HIVEP2: variants seen among roughly 807,000 people sequenced by gnomAD.
HIVEP2 encodes the protein HIVEP zinc finger 2.
In HIVEP2, 14 loss-of-function variants were observed where a neutral mutation model predicts 180.7. The observed-to-expected ratio is 0.08, with a 90% confidence interval of 0.05 to 0.12. HIVEP2 has a LOEUF of 0.12. HIVEP2 is among the 10% of genes least tolerant of loss of function. The pLI, the probability that HIVEP2 is intolerant of heterozygous loss-of-function variation, is 1.00. For missense variants in HIVEP2, 2,579 were observed against 3,008.5 expected (o/e 0.86, Z 3.34); for synonymous variants, 1,184 against 1,136.4 (o/e 1.04, Z -0.84).
rs550257561 is a variant in HIVEP2, at chr6:142,922,900, T to C, written c.-641+22199A>G. Among the ~76,000 whole-genome samples, 21 of 152,328 alleles carry C rather than the reference T, an allele frequency of 1.4e-4. No homozygotes were observed. In the South Asian group the frequency reaches 3.7e-3, roughly 27 times the overall value. On this transcript the variant is annotated intron_variant, in intron 1 of 9. Coordinates refer to ENST00000367603, the MANE Select transcript of HIVEP2 (RefSeq NM_006734.4). ...TAAATACATAGTATTTATATGAACA[T>C]GTATTCATGTAAACACATAGTACTC... is the stretch of plus-strand genomic sequence containing the variant.
intron 1 of HIVEP2, among the ~76,000 whole-genome samples, chr6:142,939,510 GT>G (rs1396997643): frequency 6.6e-6 from 1 of 152,032 alleles, no homozygotes; most frequent in Non-Finnish European, 1.5e-5. Flanking sequence ...TACTATCCCT[GT>G]CCCCTCCCAT....
intron 1 of HIVEP2, among the ~76,000 whole-genome samples, chr6:142,868,576 AG>A (rs1776204688): frequency 6.6e-6 from 1 of 152,176 alleles, no homozygotes; most frequent in Admixed American, 6.6e-5. Context: ...CCAACTATAA[AG>A]GCAATTAAAC....
intron 1 of HIVEP2, among the ~76,000 whole-genome samples, chr6:142,849,473 G>C (rs1387583804): frequency 6.6e-6 from 1 of 152,010 alleles, no homozygotes; most frequent in Admixed American, 6.6e-5. Context: ...TAGTATTGAA[G>C]ACTATTAGCA....
chr6:142,774,395 G>T lies in HIVEP2; in HGVS notation c.344C>A (p.Pro115Gln). Reference protein sequence around the residue: ...LPQGVMHSTKPHQSLEGPPWL... With the variant: ...LPQGVMHSTKQHQSLEGPPWL... ...CGGAGGACCTTCGAGGCTCTGATGT[G>T]GCTTGGTGCTGTGCATGACCCCCTG... is the stretch of plus-strand genomic sequence containing the variant. The change falls in exon 5 of 10, where the codon CCA becomes CAA. Residue 115 changes from proline to glutamine, a missense_variant. Pro to Gln is a moderately conservative substitution (Grantham distance 76, BLOSUM62 -1). This residue lies in a region of HIVEP2 where 207 missense variants were observed against 210.1 expected (regional missense o/e 0.99). Transcript: ENST00000367603. The surrounding 1 kb of genome is among the most constrained non-coding windows in gnomAD (Gnocchi z 5.1). The T allele has an allele frequency of 6.2e-7, 1 of 1,614,224 alleles. No homozygotes were observed.
Position 142,774,396 on chromosome 6 carries a change from G to C in HIVEP2, c.343C>G (p.Pro115Ala). 1 of 1,614,220 alleles carries C rather than the reference G, an allele frequency of 6.2e-7. No homozygotes were observed. Among genetic ancestry groups the C allele is most frequent in the Non-Finnish European group, 8.5e-7 (1 of 1,180,040 alleles). Residue 115 changes from proline to alanine, a missense_variant, in exon 5 of 10, where the codon CCA (proline) becomes GCA (alanine). By Grantham distance (27) the Pro-to-Ala change is conservative. Transcript: ENST00000367603. The surrounding 1 kb of genome is among the most constrained non-coding windows in gnomAD (Gnocchi z 5.1). ...LPQGVMHSTK[P>A]HQSLEGPPWL... ...GGAGGACCTTCGAGGCTCTGATGTG[G>C]CTTGGTGCTGTGCATGACCCCCTGT...
chr6:142,840,789 A>G (rs1775341854), intron 1 of HIVEP2, among the ~76,000 whole-genome samples: 1 of 152,166 alleles, frequency 6.6e-6, no homozygotes, highest in African/African-American at 2.4e-5. Flanking sequence ...AGGCAAAAAT[A>G]TGTTTATAAT....
At chr6:142,914,114 C>T (rs535320872) in intron 1 of HIVEP2, among the ~76,000 whole-genome samples, 3 of 152,284 alleles carry the variant, frequency 2.0e-5, no homozygotes, top group South Asian at 2.1e-4. Context: ...ACTGCGTATC[C>T]GTAGGTAACC....
At chr6:142,889,040 A>ATTT (rs1227914989) in intron 1 of HIVEP2, among the ~76,000 whole-genome samples, 1 of 152,118 alleles carries the variant, frequency 6.6e-6, no homozygotes, top group Non-Finnish European at 1.5e-5. Flanking sequence ...ATGTGTTCGA[A>ATTT]CTTTCTATTT....
At chr6:142,907,878 C>A (rs147559450) in intron 1 of HIVEP2, among the ~76,000 whole-genome samples, 1 of 152,172 alleles carries the variant, frequency 6.6e-6, no homozygotes, top group Non-Finnish European at 1.5e-5. Flanking sequence ...AATAACTTTT[C>A]GATTTATTTC....
intron 1 of HIVEP2, among the ~76,000 whole-genome samples, chr6:142,885,687 A>G (rs1003151585): frequency 2.6e-5 from 4 of 152,198 alleles, no homozygotes; most frequent in Non-Finnish European, 4.4e-5. Context: ...CCTGAAGTCA[A>G]CGTGCTGCAG....
chr6:142,862,317 G>C lies in HIVEP2; in HGVS notation c.-640-25270C>G, dbSNP rs186232117. Among the ~76,000 whole-genome samples the C allele has an allele frequency of 2.9e-3, 436 of 150,982 alleles. 1 individual carries two copies. Among genetic ancestry groups the C allele is most frequent in the Non-Finnish European group, 5.3e-3 (362 of 67,730 alleles). ...GTTTCATATTGCATTTGCTACATTA[G>C]CAAATCTATTATATATTATGTAATA... On this transcript the variant is annotated intron_variant, in intron 1 of 9. Transcript: ENST00000367603.
At chr6:142,777,334 T>C (rs910732430) in intron 3 of HIVEP2, among the ~76,000 whole-genome samples, 2 of 152,092 alleles carry the variant, frequency 1.3e-5, no homozygotes, top group Admixed American at 1.3e-4. Flanking sequence ...TAACATTAAA[T>C]GCAAGAAAAG....
At chr6:142,814,415 G>A (rs1259129291) in intron 2 of HIVEP2, among the ~76,000 whole-genome samples, 3 of 152,134 alleles carry the variant, frequency 2.0e-5, no homozygotes, top group Admixed American at 6.5e-5. Flanking sequence ...GAGTTGAGTG[G>A]AGACTTCGGG....
At chr6:142,846,427 C>T (rs6905453) in intron 1 of HIVEP2, among the ~76,000 whole-genome samples, 27,000 of 152,178 alleles carry the variant, frequency 0.18, 2,592 homozygotes, top group South Asian at 0.22. Flanking sequence ...GACATTCTCC[C>T]GGTCCCCTTA....
intron 1 of HIVEP2, among the ~76,000 whole-genome samples, chr6:142,841,108 T>C (rs1775350013): frequency 6.6e-6 from 1 of 152,098 alleles, no homozygotes; most frequent in African/African-American, 2.4e-5. Flanking sequence ...TGACCCTTTA[T>C]GTAATATATA....
At position 142,773,400 on chromosome 6, in the gene HIVEP2, G is replaced by T; in HGVS notation, c.1339C>A (p.Arg447Ser). The change falls in exon 5 of 10, where the codon CGT becomes AGT. Residue 447 changes from arginine (R) to serine (S), a missense_variant. Coordinates refer to ENST00000367603, the MANE Select transcript of HIVEP2 (RefSeq NM_006734.4). ...ATGCCCTTCCTACCCATTGCGGCAC[G>T]CTCCTGACTTGTGGTTGTAACACTG... ...ALSVTTTSQE[R>S]AAMGRKGIME... 6.2e-7 allele frequency: 1 copy of T among 1,614,134 alleles called. No homozygotes were observed. Among genetic ancestry groups the T allele is most frequent in the Non-Finnish European group, 8.5e-7 (1 of 1,180,026 alleles).
chr6:142,781,871 C>T (rs1775870335), intron 3 of HIVEP2, among the ~76,000 whole-genome samples: 1 of 152,100 alleles, frequency 6.6e-6, no homozygotes, highest in Admixed American at 6.5e-5. Flanking sequence ...GGCAGGAAGA[C>T]AGGCTTACTC....
In HIVEP2 at chr6:142,771,252, T is replaced by C. The variant is rs1415491179; in HGVS notation, c.3487A>G (p.Ser1163Gly). The change falls in exon 5 of 10, where the codon AGT becomes GGT. Residue 1163 changes from serine (S) to glycine (G), a missense_variant. Physicochemically the swap from Ser to Gly is moderately conservative, Grantham distance 56. Around this residue, in one of 11 missense-constraint regions of HIVEP2, gnomAD observed 523 missense variants for 577.0 expected, o/e 0.91. Transcript: ENST00000367603. This position sits in a 1 kb window ranked among gnomAD's most constrained non-coding sequence, Gnocchi z 5.4. ...AAGGGATTTCTCAAAGATTCCTGAC[T>C]GTCCATGTGCATGATCTGTGGCTGG... ...LAQPQIMHMD[S>G]QESLRNPLIQ... 6.2e-7 allele frequency: 1 copy of C among 1,614,120 alleles called. No individual in the cohort carries two copies. The highest frequency in any genetic ancestry group is 8.5e-7 in the Non-Finnish European group (1 of 1,180,034).
At position 142,771,074 on chromosome 6, in the gene HIVEP2, T is replaced by C. The variant is rs1775527845; in HGVS notation, c.3665A>G (p.Gln1222Arg). Residue 1222 changes from glutamine to arginine, a missense_variant, in exon 5 of 10, where the codon CAG (glutamine) becomes CGG (arginine). By Grantham distance (43) the Gln-to-Arg change is conservative. Transcript: ENST00000367603. The surrounding 1 kb of genome is among the most constrained non-coding windows in gnomAD (Gnocchi z 5.4). Reference protein sequence around the residue: ...TVCMVHLPAQQPPWWQAHFPH... With the variant: ...TVCMVHLPAQRPPWWQAHFPH... ...GAAATGTGCCTGCCACCAGGGAGGC[T>C]GCTGAGCTGGTAAATGAACCATACA... is the stretch of plus-strand genomic sequence containing the variant. 8.7e-6 allele frequency: 14 copies of C among 1,614,114 alleles called. No homozygotes were observed. Among genetic ancestry groups the C allele is most frequent in the Non-Finnish European group, 1.2e-5 (14 of 1,179,978 alleles).
Sources: gnomAD v4.1 joint callset for allele counts (sites outside exome capture counted in the v4.1 genomes callset) on GRCh38, gnomAD v4.1.1 for gene constraint, gnomAD v4.1.1 regional missense constraint, Gnocchi (gnomAD v3.1) non-coding constraint, MANE v1.5 for transcripts, NCBI Gene and HGNC (gene_info 2026-07-23, HGNC 2026-07-21) for gene names.